RAB37: variants seen among roughly 807,000 people sequenced by gnomAD.
RAB37 encodes the protein RAB37, member RAS oncogene family.
RAB37 carries 29 observed loss-of-function variants against 33.1 expected under a neutral mutation model. The observed-to-expected ratio is 0.88, with a 90% CI of 0.65 to 1.20. RAB37 has a LOEUF of 1.20. Ranked by LOEUF, RAB37 falls within the 50% of genes most tolerant of loss-of-function variation. RAB37 has a pLI of 0.00. For synonymous variants in RAB37, 128 were observed against 119.5 expected (o/e 1.07, Z -0.47); for missense variants, 299 against 301.1 (o/e 0.99, Z 0.05).
At chr17:74,743,651 A>G (rs2034677077) in intron 5 of RAB37, among the ~76,000 whole-genome samples, 2 of 152,198 alleles carry the variant, frequency 1.3e-5, no homozygotes, top group Admixed American at 6.5e-5. Flanking sequence ...CACAGAGACC[A>G]AGGGAAAAAC....
rs1019525502 is a variant in RAB37 at position 74,698,922 on chromosome 17, G to T, written c.72+27264G>T. Reference sequence around the variant, plus strand: ...AAGATAGTTGTTTTTGGTTTTCTTTGTTTTTCATTTTTTTGACACAGAGTC... The same window carrying T: ...AAGATAGTTGTTTTTGGTTTTCTTTTTTTTTCATTTTTTTGACACAGAGTC... On this transcript the variant is annotated intron_variant, in intron 1 of 7. Transcript: ENST00000340415. Among the ~76,000 whole-genome samples, 6 of 152,152 alleles carry T rather than the reference G, an allele frequency of 3.9e-5. No homozygotes were observed. In the East Asian group the frequency reaches 1.2e-3, roughly 29 times the overall value.
intron 1 of RAB37, among the ~76,000 whole-genome samples, chr17:74,689,648 A>G (rs1045208020): frequency 6.6e-6 from 1 of 152,188 alleles, no homozygotes; most frequent in Non-Finnish European, 1.5e-5. Flanking sequence ...TTGGTAGAAT[A>G]AAAGGCTGAT....
At chr17:74,696,087 C>G in intron 1 of RAB37, 1 of 1,428,356 alleles carries the variant, frequency 7.0e-7, no homozygotes, top group Non-Finnish European at 9.5e-7. Context: ...GGACAGGATA[C>G]TTTGGCACAG....
upstream of RAB37, chr17:74,736,582 G>A (rs770274107): frequency 1.5e-5 from 23 of 1,521,984 alleles, no homozygotes; most frequent in Admixed American, 4.0e-5. Context: ...GATGTGTGCT[G>A]CGCAGCCCTC....
At chr17:74,709,790 C>T (rs1198921610) in intron 1 of RAB37, among the ~76,000 whole-genome samples, 5 of 151,922 alleles carry the variant, frequency 3.3e-5, no homozygotes, top group Admixed American at 3.3e-4. Context: ...CCAAGCTGGT[C>T]TCAAACTCCT....
At chr17:74,724,780 G>A (rs2034285923) in intron 1 of RAB37, among the ~76,000 whole-genome samples, 1 of 152,186 alleles carries the variant, frequency 6.6e-6, no homozygotes, top group Admixed American at 6.5e-5. Flanking sequence ...ACCAGTTAGG[G>A]TGGGGCAGAA....
intron 1 of RAB37, among the ~76,000 whole-genome samples, chr17:74,680,527 T>C (rs1183544029): frequency 6.6e-6 from 1 of 152,192 alleles, no homozygotes; most frequent in Non-Finnish European, 1.5e-5. Context: ...TGTTTAATGC[T>C]ATCAGGCTGA....
chr17:74,707,391 A>G (rs907128984), intron 1 of RAB37, among the ~76,000 whole-genome samples: 1 of 152,260 alleles, frequency 6.6e-6, no homozygotes, highest in East Asian at 1.9e-4. Context: ...TAAATGCTCA[A>G]CATCTCTGAT....
chr17:74,729,905 C>A lies in RAB37; in HGVS notation c.183+539C>A, dbSNP rs1368662825. On this transcript the variant is annotated intron_variant, in intron 2 of 7. Coordinates refer to the RAB37 transcript ENST00000340415. This position sits in a 1 kb window ranked among gnomAD's most constrained non-coding sequence, Gnocchi z 4.2. ...GGACGACAAAGTTTTCAGCACAGTC[C>A]AAACTTAGCAGTCACACGGGTCTCA... 2.6e-5 allele frequency among the ~76,000 whole-genome samples: 4 copies of A among 152,180 alleles called. No individual in the cohort carries two copies. Among genetic ancestry groups the A allele is most frequent in the African/African-American group, 9.7e-5 (4 of 41,420 alleles).
At chr17:74,684,290 A>G (rs1598183596) in intron 1 of RAB37, among the ~76,000 whole-genome samples, 3 of 146,868 alleles carry the variant, frequency 2.0e-5, no homozygotes, top group Admixed American at 2.0e-4. Flanking sequence ...TTTAGTAAAG[A>G]TGGTATTGGC....
intron 1 of RAB37, among the ~76,000 whole-genome samples, chr17:74,702,387 T>C (rs2033131794): frequency 1.3e-5 from 2 of 152,198 alleles, no homozygotes; most frequent in Non-Finnish European, 2.9e-5. Flanking sequence ...CAGTTTCTTC[T>C]TCTGTAAAAT....
intron 1 of RAB37, among the ~76,000 whole-genome samples, chr17:74,702,007 C>A (rs1444835873): frequency 1.3e-5 from 2 of 150,644 alleles, no homozygotes; most frequent in African/African-American, 4.9e-5. Context: ...AGCTACAGAG[C>A]AAGACTGTCT....
At chr17:74,686,378 C>T (rs1423318334) in intron 1 of RAB37, among the ~76,000 whole-genome samples, 1 of 151,992 alleles carries the variant, frequency 6.6e-6, no homozygotes, top group Non-Finnish European at 1.5e-5. Flanking sequence ...CAGACGTGAG[C>T]CACCAAGCCC....
chr17:74,680,520 T>G (rs1382947219), intron 1 of RAB37, among the ~76,000 whole-genome samples: 1 of 152,162 alleles, frequency 6.6e-6, no homozygotes, highest in Non-Finnish European at 1.5e-5. Context: ...ATTCAAATGT[T>G]TAATGCTATC....
At chr17:74,672,445 C>T (rs1367948882) in intron 1 of RAB37, among the ~76,000 whole-genome samples, 1 of 152,166 alleles carries the variant, frequency 6.6e-6, no homozygotes, top group Non-Finnish European at 1.5e-5. Context: ...TGCCAGTTCA[C>T]CTGCTAGTCC....
intron 3 of RAB37, 92 bp from the exon 4 acceptor site, chr17:74,743,037 G>A (rs1329637747): frequency 8.7e-7 from 1 of 1,145,186 alleles, no homozygotes; most frequent in Non-Finnish European, 1.3e-6. Context: ...CCTTCCCACA[G>A]ATATCTCATA....
chr17:74,744,361 G>T lies in RAB37; in HGVS notation c.420G>T (p.Leu140=). Residue 140 remains leucine (L), a synonymous_variant, in exon 6 of 9, where the codon CTG becomes CTT. Coordinates refer to ENST00000392613, the MANE Select transcript of RAB37 (RefSeq NM_001006638.3). This position sits in a 1 kb window ranked among gnomAD's most constrained non-coding sequence, Gnocchi z 4.2. ...EYAQRDVVIM[L]LGNKADMSSE... ...CCCAGAGGGACGTGGTGATCATGCT[G>T]CTAGGCAACAAGGTGAGTGGCTCCG... The T allele has an allele frequency of 1.9e-6, 3 of 1,614,154 alleles. No individual in the cohort carries two copies. The highest frequency in any genetic ancestry group is 2.2e-5 in the South Asian group (2 of 91,076).
In RAB37 at chr17:74,745,358, C is replaced by A. The variant is rs760695554; in HGVS notation, c.619C>A (p.Arg207=). ...HQADEPSFQI[R]DYVESQKKRS... is the part of the protein sequence containing the mutation. The stretch of plus-strand genomic sequence containing the variant: ...GGCGGATGAGCCCAGCTTCCAGATC[C>A]GAGACTATGTAGAGTCCCAGAAGAA... The change falls in exon 9 of 9, where the codon CGA becomes AGA. Residue 207 remains arginine (R), a synonymous_variant. Coordinates refer to ENST00000392613, the MANE Select transcript of RAB37 (RefSeq NM_001006638.3). The surrounding 1 kb of genome is among the most constrained non-coding windows in gnomAD (Gnocchi z 4.5). The A allele has an allele frequency of 3.7e-6, 6 of 1,614,026 alleles. No individual in the cohort carries two copies. The highest frequency in any genetic ancestry group is 3.3e-4 in the Middle Eastern group (2 of 6,084).
chr17:74,735,022 A>G (rs200577634), upstream of RAB37, among the ~76,000 whole-genome samples: 805 of 22,654 alleles, frequency 0.036, 1 homozygote, highest in East Asian at 0.056. Flanking sequence ...AGGAAGGAAG[A>G]AAGAAAGAAA....
Sources: allele counts gnomAD v4.1 joint callset (sites outside exome capture counted in the v4.1 genomes callset), GRCh38; gene constraint gnomAD v4.1.1; non-coding constraint Gnocchi (gnomAD v3.1); transcripts MANE v1.5; gene names NCBI Gene and HGNC (gene_info 2026-07-23, HGNC 2026-07-21).